MEF2C: variants seen among roughly 807,000 people sequenced by gnomAD.
MEF2C encodes the protein myocyte enhancer factor 2C, also known as myocyte-specific enhancer factor 2C.
MEF2C carries 6 observed loss-of-function variants against 50.5 expected under a neutral mutation model. The ratio of observed to expected loss-of-function variants is 0.12; its 90% CI spans 0.07 to 0.23. The LOEUF (loss-of-function observed/expected upper bound fraction) is 0.23, where lower values mean the gene tolerates loss of function less well. Ranked by LOEUF, MEF2C falls within the 10% of genes least tolerant of loss-of-function variation. MEF2C has a pLI of 1.00. For missense variants in MEF2C, 276 were observed against 605.0 expected (o/e 0.46, Z 5.70); for synonymous variants, 183 against 228.0 (o/e 0.80, Z 1.78).
intron 1 of MEF2C, chr5:88,888,927 T>A (rs1385932479): frequency 6.6e-6 from 1 of 152,220 alleles, no homozygotes; most frequent in Non-Finnish European, 1.5e-5. Flanking sequence ...ATTGATTCTA[T>A]CCCATTTCTT....
At chr5:88,884,525 A>T (rs1833823898), upstream of MEF2C, 1 of 152,212 alleles carries the variant, frequency 6.6e-6, no homozygotes, top group Non-Finnish European at 1.5e-5. Context: ...CGGGGCCATG[A>T]ACTTTCTAAT....
At chr5:88,884,832 C>G (rs1833891744), upstream of MEF2C, among the ~76,000 whole-genome samples, 1 of 149,110 alleles carries the variant, frequency 6.7e-6, no homozygotes, top group African/African-American at 2.5e-5. Context: ...AATATTTAGG[C>G]TACTAGAGAT....
At chr5:88,782,716 A>G (rs907157032) in intron 3 of MEF2C, among the ~76,000 whole-genome samples, 2 of 152,212 alleles carry the variant, frequency 1.3e-5, no homozygotes, top group African/African-American at 4.8e-5. Context: ...ATACATACTT[A>G]CAAAACGTAA....
chr5:88,768,252 T>A (rs1780874809), intron 3 of MEF2C, among the ~76,000 whole-genome samples: 1 of 152,190 alleles, frequency 6.6e-6, no homozygotes, highest in Non-Finnish European at 1.5e-5. Context: ...CACTTTGGAG[T>A]TTCACCAGAG....
At chr5:88,735,660 G>A (rs534489529) in intron 6 of MEF2C, 2 of 985,174 alleles carry the variant, frequency 2.0e-6, no homozygotes, top group Non-Finnish European at 1.2e-6. Context: ...ACTCATATTA[G>A]TGTCAATACA....
Position 88,749,050 on chromosome 5 carries a change from A to G in MEF2C, c.637+20T>C. The stretch of plus-strand genomic sequence containing the variant: ...AACTCAGAACAATGATACATACTGC[A>G]GTATGGAGTCTGGGCTTACCTGCAC... On this transcript the variant is annotated intron_variant, in intron 6 of 10. Transcript: ENST00000504921. The G allele has an allele frequency of 6.4e-7, 1 of 1,565,000 alleles. No homozygotes were observed. The highest frequency in any genetic ancestry group is 1.4e-5 in the African/African-American group (1 of 73,898).
intron 1 of MEF2C, among the ~76,000 whole-genome samples, chr5:88,847,790 G>A (rs1056783035): frequency 6.6e-6 from 1 of 151,950 alleles, no homozygotes; most frequent in African/African-American, 2.4e-5. Context: ...ATAAAATTAG[G>A]ATACAACATC....
chr5:88,739,851 A>G (rs984923733), intron 6 of MEF2C: 3 of 985,238 alleles, frequency 3.0e-6, no homozygotes, highest in Non-Finnish European at 3.6e-6. Context: ...TGCTTAATGT[A>G]GAAAGGGGGC....
intron 4 of MEF2C, among the ~76,000 whole-genome samples, chr5:88,758,306 G>A (rs1444058615): frequency 6.6e-6 from 1 of 151,850 alleles, no homozygotes; most frequent in East Asian, 1.9e-4. Context: ...CATTCATTCA[G>A]CCCCTTTCCT....
chr5:88,866,511 A>G (rs879644809), intron 1 of MEF2C, among the ~76,000 whole-genome samples: 1 of 152,204 alleles, frequency 6.6e-6, no homozygotes, highest in Non-Finnish European at 1.5e-5. Context: ...AAAAACAAGG[A>G]AACTGTTTAT....
intron 1 of MEF2C, among the ~76,000 whole-genome samples, chr5:88,879,983 T>C (rs182364663): frequency 6.6e-6 from 1 of 152,164 alleles, no homozygotes; most frequent in East Asian, 1.9e-4. Flanking sequence ...ACCTCTGTAA[T>C]CTGGTTTGAT....
chr5:88,882,911 T>G (rs73179474), intron 1 of MEF2C, 44 bp downstream of exon 1: 1 of 151,682 alleles, frequency 6.6e-6, no homozygotes, highest in Admixed American at 6.6e-5. Context: ...TTAGAGACAA[T>G]ACCCGGGTTT....
chr5:88,728,331 A>C (rs1759823707), intron 10 of MEF2C, among the ~76,000 whole-genome samples, 162 bp downstream of exon 10: 1 of 152,202 alleles, frequency 6.6e-6, no homozygotes, highest in African/African-American at 2.4e-5. Context: ...GGTATATAAG[A>C]TTTAAGCTAC....
chr5:88,838,796 A>T, intron 1 of MEF2C: 1 of 923,532 alleles, frequency 1.1e-6, no homozygotes, highest in Non-Finnish European at 1.3e-6. Context: ...TCTACTACAA[A>T]TCCTTCTATT....
chr5:88,852,076 T>C (rs988436555), intron 1 of MEF2C, among the ~76,000 whole-genome samples: 4 of 152,144 alleles, frequency 2.6e-5, no homozygotes, highest in African/African-American at 7.2e-5. Flanking sequence ...CTAAGCACTA[T>C]AGTGACAAAA....
intron 3 of MEF2C, among the ~76,000 whole-genome samples, chr5:88,789,443 C>T (rs1367221429): frequency 6.6e-6 from 1 of 151,972 alleles, no homozygotes; most frequent in Non-Finnish European, 1.5e-5. Flanking sequence ...GCTGGGATTA[C>T]AGGTGTGAGC....
chr5:88,750,395 A>G (rs1214678167), intron 5 of MEF2C, among the ~76,000 whole-genome samples: 1 of 151,622 alleles, frequency 6.6e-6, no homozygotes, highest in Non-Finnish European at 1.5e-5. Flanking sequence ...GTTTGTAGAG[A>G]TGGGGTTTCT....
At chr5:88,743,423 AC>A (rs1390088967) in intron 6 of MEF2C, 1 of 985,406 alleles carries the variant, frequency 1.0e-6, no homozygotes, top group Admixed American at 6.1e-5. Flanking sequence ...TACTTGCAAA[AC>A]AATGGTGCTG....
chr5:88,770,497 A>G (rs981839164), intron 3 of MEF2C, among the ~76,000 whole-genome samples: 1 of 152,188 alleles, frequency 6.6e-6, no homozygotes, highest in Non-Finnish European at 1.5e-5. Context: ...CTTTTGAGTC[A>G]CCACATTTCC....
Sources: allele counts gnomAD v4.1 joint callset (sites outside exome capture counted in the v4.1 genomes callset), GRCh38; gene constraint gnomAD v4.1.1; transcripts MANE v1.5; gene names NCBI Gene and HGNC (gene_info 2026-07-23, HGNC 2026-07-21).